LRPAP1: variants seen among roughly 807,000 people sequenced by gnomAD.
The protein encoded by LRPAP1 is LDL receptor related protein associated protein 1.
Under a neutral mutation model 39.9 loss-of-function variants are expected in LRPAP1, and 41 were observed. The ratio of observed to expected loss-of-function variants is 1.03; its 90% CI spans 0.80 to 1.33. LRPAP1 has a LOEUF of 1.33. Ranked by LOEUF, LRPAP1 falls within the 40% of genes most tolerant of loss-of-function variation. LRPAP1 has a pLI of 0.00. For missense variants in LRPAP1, 565 were observed against 482.3 expected (o/e 1.17, Z -1.61); for synonymous variants, 263 against 212.7 (o/e 1.24, Z -2.06).
chr4:3,524,877 C>T (rs748250766), intron 2 of LRPAP1, 30 bp downstream of exon 2: 9 of 1,608,806 alleles, frequency 5.6e-6, no homozygotes, highest in African/African-American at 5.3e-5. Context: ...GAGGGATACT[C>T]GACCTGCATT....
chr4:3,518,825 G>A, intron 4 of LRPAP1, 46 bp downstream of exon 4: 2 of 1,310,452 alleles, frequency 1.5e-6, no homozygotes, highest in Non-Finnish European at 2.1e-6. Flanking sequence ...GTGGGGGGCA[G>A]GAGGGGGTGG....
In LRPAP1 at chr4:3,518,034, C is replaced by T. The variant is rs1316181233; in HGVS notation, c.751G>A (p.Glu251Lys). The change falls in exon 5 of 8, where the codon GAG (glutamate) becomes AAG (lysine). Residue 251 changes from glutamate to lysine, a missense_variant and splice_region_variant. Transcript: ENST00000650182. ...VSHQGYSTEA[E>K]FEEPRVIDLW... Reference sequence around the variant, plus strand: ...CCAACAGTCCCGGGCGGGCACTCACCAGCCTCAGTGCTGTAGCCCTGGTGG... The same window carrying T: ...CCAACAGTCCCGGGCGGGCACTCACTAGCCTCAGTGCTGTAGCCCTGGTGG... 8 of 1,601,962 alleles carry T rather than the reference C, an allele frequency of 5.0e-6. No homozygotes were observed. The highest frequency in any genetic ancestry group is 6.8e-6 in the Non-Finnish European group (8 of 1,174,886).
chr4:3,515,554 A>T (rs1729665607), intron 6 of LRPAP1, among the ~76,000 whole-genome samples: 1 of 151,906 alleles, frequency 6.6e-6, no homozygotes, highest in African/African-American at 2.4e-5. Context: ...AGCTATAGGG[A>T]CCCTGGGTGA....
At chr4:3,523,209 G>A (rs1271236270) in intron 2 of LRPAP1, among the ~76,000 whole-genome samples, 1 of 152,160 alleles carries the variant, frequency 6.6e-6, no homozygotes, top group Non-Finnish European at 1.5e-5. Context: ...AAGCTACTCT[G>A]TCTCCTCCAG....
rs1446288902 is a variant in LRPAP1 at position 3,509,795 on chromosome 4, G to C, written c.*3179C>G. The C allele has an allele frequency of 8.8e-6, 1 of 113,974 alleles. No homozygotes were observed. Among genetic ancestry groups the C allele is most frequent in the African/African-American group, 3.4e-5 (1 of 29,532 alleles). The allele number at this position is 113,974 out of a possible 1,614,324, so 7.1% of individuals were successfully genotyped here. On this transcript the variant is annotated 3_prime_UTR_variant, in exon 8 of 8. Transcript: ENST00000650182. ...GGAGACTGCTGAGACGCCGACTGGA[G>C]TCACACACGGCAGTCAACGCGTGGA...
intron 2 of LRPAP1, among the ~76,000 whole-genome samples, chr4:3,521,852 T>C (rs1729919383): frequency 6.6e-6 from 1 of 152,204 alleles, no homozygotes; most frequent in Non-Finnish European, 1.5e-5. Flanking sequence ...ATAACTATTT[T>C]AGGCCGGGCG....
rs1730120080 is a variant in LRPAP1, at chr4:3,527,627, T to C, written c.205-2576A>G. 3.3e-5 allele frequency among the ~76,000 whole-genome samples: 5 copies of C among 152,346 alleles called. No individual in the cohort carries two copies. In the South Asian group the frequency reaches 1.0e-3, roughly 32 times the overall value. On this transcript the variant is annotated intron_variant, in intron 1 of 7. Transcript: ENST00000650182. ...AGAAGCAGCACCCTGGGGCAGGCAA[T>C]TCAGGCCCATGCTCTCAAGTGTGTG... is the stretch of plus-strand genomic sequence containing the variant.
rs1228333284 is a variant in LRPAP1, at chr4:3,511,901, C to T, written c.*1073G>A. 2 of 93,770 alleles carry T rather than the reference C, an allele frequency of 2.1e-5. No homozygotes were observed. The highest frequency in any genetic ancestry group is 3.0e-4 in the East Asian group (1 of 3,302). 5.8% of individuals were successfully genotyped at this position (93,770 alleles called of 1,614,324 possible). On this transcript the variant is annotated 3_prime_UTR_variant, in exon 8 of 8. Coordinates refer to ENST00000650182, the MANE Select transcript of LRPAP1 (RefSeq NM_002337.4). ...ACGGGAAGGGAACCACGCTCGGAGC[C>T]GGACCCGAGCCTCTTCCAGGCTCAG...
chr4:3,513,024 G>A lies in LRPAP1; in HGVS notation c.1024C>T (p.Leu342=). The change falls in exon 8 of 8, where the codon CTG becomes TTG. Residue 342 remains leucine (L), a synonymous_variant. Coordinates refer to ENST00000650182, the MANE Select transcript of LRPAP1 (RefSeq NM_002337.4). ...GAGATCCTGCCGGACAGGTCCTGCA[G>A]ATGCTTCTTCACCTGTGGACAGAAA... ...KELGYTVKKH[L]QDLSGRISRA... 1.2e-6 allele frequency: 2 copies of A among 1,612,416 alleles called. No individual in the cohort carries two copies. Among genetic ancestry groups the A allele is most frequent in the South Asian group, 1.1e-5 (1 of 90,540 alleles).
At chr4:3,526,635 G>A (rs946359471) in intron 1 of LRPAP1, among the ~76,000 whole-genome samples, 6 of 152,298 alleles carry the variant, frequency 3.9e-5, no homozygotes, top group Non-Finnish European at 7.3e-5. Context: ...TCCGCGCCGC[G>A]CAGGGGCACA....
At chr4:3,522,125 G>A (rs867307113) in intron 2 of LRPAP1, among the ~76,000 whole-genome samples, 31 of 152,226 alleles carry the variant, frequency 2.0e-4, no homozygotes, top group Admixed American at 1.9e-3. Flanking sequence ...TGTGAAGGCC[G>A]TCCTGCCCAG....
intron 7 of LRPAP1, 71 bp from the exon 8 acceptor site, chr4:3,513,107 G>T: frequency 8.3e-7 from 1 of 1,203,082 alleles, no homozygotes; most frequent in Non-Finnish European, 1.2e-6. Flanking sequence ...TCAGCCTCAT[G>T]TCAGGAGACG....
In LRPAP1 at chr4:3,505,935, G is replaced by C. The variant is rs1729341760; in HGVS notation, c.*7039C>G. ...CTGCTCCGAGCCTGCTCTGGTCAAG[G>C]TGGGCAATGCTGCCCTTCATGTACT... is the stretch of plus-strand genomic sequence containing the variant. On this transcript the variant is annotated 3_prime_UTR_variant, in exon 8 of 8. Coordinates refer to ENST00000650182, the MANE Select transcript of LRPAP1 (RefSeq NM_002337.4). Among the ~76,000 whole-genome samples, 1 of 152,234 alleles carries C rather than the reference G, an allele frequency of 6.6e-6. No individual in the cohort carries two copies. Among genetic ancestry groups the C allele is most frequent in the Middle Eastern group, 3.2e-3 (1 of 316 alleles).
At chr4:3,520,596 T>C (rs1171945045) in intron 2 of LRPAP1, among the ~76,000 whole-genome samples, 2 of 152,322 alleles carry the variant, frequency 1.3e-5, no homozygotes, top group South Asian at 2.1e-4. Context: ...AGAACAAAAT[T>C]TGCAGCCTCA....
chr4:3,522,932 G>T (rs1403673953), intron 2 of LRPAP1, among the ~76,000 whole-genome samples: 1 of 152,154 alleles, frequency 6.6e-6, no homozygotes, highest in African/African-American at 2.4e-5. Flanking sequence ...TATCACACTT[G>T]ATAATGGCAC....
intron 1 of LRPAP1, among the ~76,000 whole-genome samples, chr4:3,531,386 GAGAC>G (rs1221203381): frequency 6.7e-6 from 1 of 149,680 alleles, no homozygotes; most frequent in Non-Finnish European, 1.5e-5. Flanking sequence ...CTGGACTATT[GAGAC>G]AGAGATCTAA....
chr4:3,528,604 C>A (rs543024373), intron 1 of LRPAP1, among the ~76,000 whole-genome samples: 2 of 152,376 alleles, frequency 1.3e-5, no homozygotes, highest in African/African-American at 4.8e-5. Flanking sequence ...CATGTGCCAT[C>A]CTCCCAGCGC....
chr4:3,531,090 T>G (rs1316009088), intron 1 of LRPAP1, among the ~76,000 whole-genome samples: 1 of 151,984 alleles, frequency 6.6e-6, no homozygotes, highest in East Asian at 1.9e-4. Flanking sequence ...CCAGAATCCC[T>G]TCCTCCAAGA....
At chr4:3,513,911 A>G (rs1356195546) in intron 7 of LRPAP1, among the ~76,000 whole-genome samples, 2 of 152,260 alleles carry the variant, frequency 1.3e-5, no homozygotes, top group African/African-American at 4.8e-5. Flanking sequence ...CCCTTCTCTC[A>G]GCGGCCCTGA....
Sources: allele counts gnomAD v4.1 joint callset (sites outside exome capture counted in the v4.1 genomes callset), GRCh38; gene constraint gnomAD v4.1.1; transcripts MANE v1.5; gene names NCBI Gene and HGNC (gene_info 2026-07-23, HGNC 2026-07-21).